Variants in DENND4B observed in about 807,000 individuals in gnomAD.
DENND4B encodes the protein DENN domain containing 4B, also known as DENN domain-containing protein 4B.
Under a neutral mutation model 161.0 loss-of-function variants are expected in DENND4B, and 67 were observed. The ratio of observed to expected loss-of-function variants is 0.42; its 90% CI spans 0.34 to 0.51. The LOEUF is 0.51. Among genes scored for constraint, DENND4B ranks in the 20% least tolerant of loss-of-function variants. The pLI is 0.08. For synonymous variants in DENND4B, 753 were observed against 813.8 expected, an observed-to-expected ratio of 0.93 and a Z score of 1.27; for missense variants, 1,481 against 1,968.0, an observed-to-expected ratio of 0.75 and a Z score of 4.68.
At position 153,942,300 on chromosome 1, in the gene DENND4B, C is replaced by A. The variant is rs746193379; in HGVS notation, c.697G>T (p.Val233Leu). The change falls in exon 5 of 28, where the codon GTG becomes TTG. Residue 233 changes from valine to leucine, a missense_variant. Transcript: ENST00000361217. This position sits in a 1 kb window ranked among gnomAD's most constrained non-coding sequence, Gnocchi z 6.9. ...DNEAFPLPES[V>L]PVFCLPMGAT... is the part of the protein sequence containing the mutation. Reference sequence around the variant, plus strand: ...CCCATGGGCAGGCAGAAGACGGGCACTGACTCGGGCAGCGGGAACGCCTCA... The same window carrying A: ...CCCATGGGCAGGCAGAAGACGGGCAATGACTCGGGCAGCGGGAACGCCTCA... 4 of 1,613,642 alleles carry A rather than the reference C, an allele frequency of 2.5e-6. No individual in the cohort carries two copies. In the Admixed American group the frequency reaches 5.0e-5, roughly 20 times the overall value.
rs760909337 is a variant in DENND4B at position 153,930,360 on chromosome 1, C to T, written c.4428G>A (p.Ala1476=). The T allele has an allele frequency of 1.5e-5, 24 of 1,614,022 alleles. No homozygotes were observed. In the South Asian group the frequency reaches 1.6e-4, roughly 11 times the overall value. Residue 1476 remains alanine, a synonymous_variant, in exon 28 of 28, where the codon GCG becomes GCA. Coordinates refer to ENST00000361217, the MANE Select transcript of DENND4B (RefSeq NM_014856.3). This position sits in a 1 kb window ranked among gnomAD's most constrained non-coding sequence, Gnocchi z 4.7. ...CAATGGCCTTGGGAGTGGGCATCTG[C>T]GCCCGCCGGTGCCTCAGCTCCTCCT... The part of the protein sequence containing the change: ...MGKEELRHRR[A]QMPTPKAIDC...
chr1:153,941,103 C>T, intron 8 of DENND4B, 55 bp from the exon 9 acceptor site: 3 of 1,558,722 alleles, frequency 1.9e-6, no homozygotes, highest in East Asian at 2.4e-5. Flanking sequence ...GGGGACCCTT[C>T]CCCAGATGCC....
chr1:153,939,464 A>C (rs1679543979), intron 12 of DENND4B, 125 bp downstream of exon 12: 1 of 1,104,932 alleles, frequency 9.1e-7, no homozygotes, highest in African/African-American at 1.6e-5. Context: ...GCCCATAAAA[A>C]CATTTGCCTA....
In DENND4B at chr1:153,934,661, C is replaced by T. The variant is rs917945049; in HGVS notation, c.2773+99G>A. 5 of 1,500,792 alleles carry T rather than the reference C, an allele frequency of 3.3e-6. No individual in the cohort carries two copies. Among genetic ancestry groups the T allele is most frequent in the Admixed American group, 2.1e-5 (1 of 47,178 alleles). The allele number at this position is 1,500,792 out of a possible 1,614,324, so 93.0% of individuals were successfully genotyped here. A position where few individuals can be genotyped will look rare whatever the true frequency, so the allele number is the denominator to read the frequency against. ...AGTGTAATTTATCAATCCCCAGAAA[C>T]CCAATGCCAACCATTAGACCAGCCC... On this transcript the variant is annotated intron_variant, in intron 18 of 27. Coordinates refer to ENST00000361217, the MANE Select transcript of DENND4B (RefSeq NM_014856.3). This position sits in a 1 kb window ranked among gnomAD's most constrained non-coding sequence, Gnocchi z 5.3.
intron 17 of DENND4B, chr1:153,935,373 G>A (rs1218721820): frequency 5.7e-6 from 1 of 174,316 alleles, no homozygotes; most frequent in African/African-American, 2.4e-5. Context: ...TCGAGACGGA[G>A]TCTTGCTCTG....
Position 153,944,225 on chromosome 1 carries a change from C to A in DENND4B, c.150G>T (p.Val50=). 1 of 1,607,008 alleles carries A rather than the reference C, an allele frequency of 6.2e-7. No individual in the cohort carries two copies. The highest frequency in any genetic ancestry group is 8.5e-7 in the Non-Finnish European group (1 of 1,176,562). The change falls in exon 2 of 28, where the codon GTG becomes GTT. Residue 50 remains valine (V), a synonymous_variant. Transcript: ENST00000361217. The surrounding 1 kb of genome is among the most constrained non-coding windows in gnomAD (Gnocchi z 4.8). ...CGCCCAGTGCCCTAGCGATGACTGCCACATCTGTGATGGGCTCAGCTGGCC... is the reference window on the plus strand; with the variant it reads ...CGCCCAGTGCCCTAGCGATGACTGCAACATCTGTGATGGGCTCAGCTGGCC... The part of the protein sequence containing the change: ...PPRPAEPITD[V]AVIARALGEE...
chr1:153,932,663 C>T lies in DENND4B; in HGVS notation c.3738G>A (p.Gln1246=). 1.2e-6 allele frequency: 2 copies of T among 1,613,758 alleles called. No individual in the cohort carries two copies. The highest frequency in any genetic ancestry group is 1.7e-6 in the Non-Finnish European group (2 of 1,179,694). ...RRLCLALDEP[Q]LCNGHMGGAS... ...TTACCCCCATGTGCCCGTTGCAGAGCTGGGGCTCATCCAGAGCAAGGCAGA... is the reference window on the plus strand; with the variant it reads ...TTACCCCCATGTGCCCGTTGCAGAGTTGGGGCTCATCCAGAGCAAGGCAGA... The change falls in exon 23 of 28, where the codon CAG becomes CAA. Residue 1246 remains glutamine (Q), a synonymous_variant. Transcript: ENST00000361217. The surrounding 1 kb of genome is among the most constrained non-coding windows in gnomAD (Gnocchi z 5.8).
In DENND4B at chr1:153,931,072, A is replaced by G. The variant is rs757602960; in HGVS notation, c.3997-8T>C. On this transcript the variant is annotated splice_polypyrimidine_tract_variant and splice_region_variant and intron_variant, in intron 24 of 27. Transcript: ENST00000361217. ...TAGCCAAGGAGATGGGGCCTGGGGG[A>G]GCCAAGATAGTGGAGACAGTTAGGC... 6.2e-7 allele frequency: 1 copy of G among 1,602,610 alleles called. No individual in the cohort carries two copies. Among genetic ancestry groups the G allele is most frequent in the Admixed American group, 1.7e-5 (1 of 57,848 alleles).
chr1:153,937,882 A>G lies in DENND4B; in HGVS notation c.1966-19T>C. 6.2e-7 allele frequency: 1 copy of G among 1,613,928 alleles called. No individual in the cohort carries two copies. Among genetic ancestry groups the G allele is most frequent in the South Asian group, 1.1e-5 (1 of 91,084 alleles). On this transcript the variant is annotated intron_variant, in intron 13 of 27. Transcript: ENST00000361217. This position sits in a 1 kb window ranked among gnomAD's most constrained non-coding sequence, Gnocchi z 4.7. ...GGTGGACCTGGAGAAGGATTTTAAG[A>G]GAGCAAGTGTTGAGATGGTGGGCAT...
Position 153,932,439 on chromosome 1 carries a change from C to T in DENND4B, c.3761G>A (p.Gly1254Glu). The T allele has an allele frequency of 1.9e-6, 3 of 1,603,894 alleles. No individual in the cohort carries two copies. The South Asian group carries it at 3.3e-5, about 18-fold the overall frequency. ...CCCACTCTCAACCCGCCGGGAGGCT[C>T]CCTATCAGGCACAAAGGGGGAGGGC... ...EPQLCNGHMG[G>E]ASRRVESGAW... The change falls in exon 24 of 28, where the codon GGA becomes GAA. Residue 1254 changes from glycine (G) to glutamate (E), a missense_variant and splice_region_variant. Gly to Glu is a moderately conservative substitution (Grantham distance 98). Coordinates refer to ENST00000361217, the MANE Select transcript of DENND4B (RefSeq NM_014856.3). This position sits in a 1 kb window ranked among gnomAD's most constrained non-coding sequence, Gnocchi z 5.8.
At chr1:153,931,170 A>G in intron 24 of DENND4B, 106 bp from the exon 25 acceptor site, 1 of 850,988 alleles carries the variant, frequency 1.2e-6, no homozygotes, top group South Asian at 1.6e-5. Flanking sequence ...TACAGGACAC[A>G]GCCAAAGAGA....
chr1:153,939,586 T>A lies in DENND4B; in HGVS notation c.1819+3A>T. ...TCTCCAAGCAGAGACAGGCCCTCTA[T>A]ACCCTGCAGGAAGAAAAGGTTGTCA... is the stretch of plus-strand genomic sequence containing the variant. On this transcript the variant is annotated splice_donor_region_variant and intron_variant, in intron 12 of 27. Transcript: ENST00000361217. The A allele has an allele frequency of 6.2e-7, 1 of 1,604,798 alleles. No individual in the cohort carries two copies. Among genetic ancestry groups the A allele is most frequent in the Non-Finnish European group, 8.5e-7 (1 of 1,173,554 alleles).
rs763359554 is a variant in DENND4B at position 153,940,844 on chromosome 1, TA to T, written c.1326+59del. The T allele has an allele frequency of 5.3e-6, 8 of 1,522,782 alleles. No homozygotes were observed. Among genetic ancestry groups the T allele is most frequent in the African/African-American group, 2.8e-5 (2 of 71,592 alleles). 94.3% of individuals were successfully genotyped at this position (1,522,782 alleles called of 1,614,324 possible). A position where few individuals can be genotyped will look rare whatever the true frequency, so the allele number is the denominator to read the frequency against. ...GAAAAGGGAAGAGTCCAGGCAGGGA[TA>T]GGGGCACCAGAAAGAACCATGGTTC... On this transcript the variant is annotated intron_variant, in intron 9 of 27. Coordinates refer to ENST00000361217, the MANE Select transcript of DENND4B (RefSeq NM_014856.3). The surrounding 1 kb of genome is among the most constrained non-coding windows in gnomAD (Gnocchi z 5.6).
Position 153,936,950 on chromosome 1 carries a change from G to A in DENND4B, c.2233-202C>T, listed in dbSNP as rs747781216. Among the ~76,000 whole-genome samples the A allele has an allele frequency of 6.6e-6, 1 of 152,164 alleles. No homozygotes were observed. The highest frequency in any genetic ancestry group is 1.5e-5 in the Non-Finnish European group (1 of 68,038). The stretch of plus-strand genomic sequence containing the variant: ...TCAAGTAGCTGGGACGCACCACCAA[G>A]CCCGACTGATTGTTTTGTACTTTTT... On this transcript the variant is annotated intron_variant, in intron 15 of 27. Coordinates refer to ENST00000361217, the MANE Select transcript of DENND4B (RefSeq NM_014856.3). This position sits in a 1 kb window ranked among gnomAD's most constrained non-coding sequence, Gnocchi z 4.1.
rs1678809367 is a variant in DENND4B at position 153,929,969 on chromosome 1, A to G, written c.*328T>C. 8.1e-6 allele frequency: 2 copies of G among 247,818 alleles called. No individual in the cohort carries two copies. The highest frequency in any genetic ancestry group is 1.5e-5 in the Non-Finnish European group (2 of 129,508). The allele number at this position is 247,818 out of a possible 1,614,324, so 15.4% of individuals were successfully genotyped here. A position where few individuals can be genotyped will look rare whatever the true frequency, so the allele number is the denominator to read the frequency against. On this transcript the variant is annotated 3_prime_UTR_variant, in exon 28 of 28. Coordinates refer to ENST00000361217, the MANE Select transcript of DENND4B (RefSeq NM_014856.3). ...CTTTCCAGTTGTTTTTTAAAACAAA[A>G]ACTTCTAAAATGACCAGGGCAATGC...
Position 153,932,659 on chromosome 1 carries a change from A to G in DENND4B, c.3742T>C (p.Cys1248Arg). The G allele has an allele frequency of 1.2e-6, 2 of 1,613,396 alleles. No individual in the cohort carries two copies. Among genetic ancestry groups the G allele is most frequent in the Non-Finnish European group, 1.7e-6 (2 of 1,179,456 alleles). ...GCCCTTACCCCCATGTGCCCGTTGC[A>G]GAGCTGGGGCTCATCCAGAGCAAGG... ...LCLALDEPQL[C>R]NGHMGGASRR... The change falls in exon 23 of 28, where the codon TGC (cysteine) becomes CGC (arginine). Residue 1248 changes from cysteine (C) to arginine (R), a missense_variant. By Grantham distance (180) the Cys-to-Arg change is radical. Around this residue, in one of 3 missense-constraint regions of DENND4B, gnomAD observed 336 missense variants for 503.3 expected, o/e 0.67. Transcript: ENST00000361217. This position sits in a 1 kb window ranked among gnomAD's most constrained non-coding sequence, Gnocchi z 5.8.
rs1212895434 is a variant in DENND4B, at chr1:153,934,844, G to C, written c.2689C>G (p.Gln897Glu). 1.2e-6 allele frequency: 2 copies of C among 1,612,816 alleles called. No homozygotes were observed. Among genetic ancestry groups the C allele is most frequent in the Non-Finnish European group, 1.7e-6 (2 of 1,179,276 alleles). Reference protein sequence around the residue: ...FRQPLRERQQQQQQQQQQQQQ... With the variant: ...FRQPLRERQQEQQQQQQQQQQ... Reference sequence around the variant, plus strand: ...TGCTGCTGCTGTTGCTGCTGCTGCTGCTGTTGCCGTTCTCTCAAGGGCTGG... The same window carrying C: ...TGCTGCTGCTGTTGCTGCTGCTGCTCCTGTTGCCGTTCTCTCAAGGGCTGG... Residue 897 changes from glutamine (Q) to glutamate (E), a missense_variant, in exon 18 of 28, where the codon CAG becomes GAG. Gln to Glu is a conservative substitution (Grantham distance 29). Transcript: ENST00000361217. The surrounding 1 kb of genome is among the most constrained non-coding windows in gnomAD (Gnocchi z 5.3).
rs1330075804 is a variant in DENND4B at position 153,933,323 on chromosome 1, C to T, written c.3331-4G>A. 5 of 1,613,322 alleles carry T rather than the reference C, an allele frequency of 3.1e-6. No individual in the cohort carries two copies. The highest frequency in any genetic ancestry group is 1.3e-5 in the African/African-American group (1 of 74,894). On this transcript the variant is annotated splice_polypyrimidine_tract_variant and splice_region_variant and intron_variant, in intron 20 of 27. Transcript: ENST00000361217. The surrounding 1 kb of genome is among the most constrained non-coding windows in gnomAD (Gnocchi z 5.7). ...CACTGCCCAGAGAGGCTGAGCTCTA[C>T]CATGACATGAGAAACCATGGTCAGC...
Position 153,941,427 on chromosome 1 carries a change from A to G in DENND4B, c.1069T>C (p.Phe357Leu), listed in dbSNP as rs367610815. 3.2e-5 allele frequency: 52 copies of G among 1,612,392 alleles called. No individual in the cohort carries two copies. The highest frequency in any genetic ancestry group is 4.4e-5 in the Non-Finnish European group (52 of 1,179,528). Residue 357 changes from phenylalanine to leucine, a missense_variant, in exon 7 of 28, where the codon TTC becomes CTC. Around this residue, in one of 3 missense-constraint regions of DENND4B, gnomAD observed 806 missense variants for 1,134.4 expected, o/e 0.71. Transcript: ENST00000361217. Reference protein sequence around the residue: ...RLPLEAHISHFIHNVPFPSPQ... With the variant: ...RLPLEAHISHLIHNVPFPSPQ... ...GAAGGGAAGGGAACGTTGTGAATGA[A>G]GTGGGAGATGTGCCTGGGGGACAGA...
Sources: gnomAD v4.1 joint callset for allele counts (sites outside exome capture counted in the v4.1 genomes callset) on GRCh38, gnomAD v4.1.1 for gene constraint, gnomAD v4.1.1 regional missense constraint, Gnocchi (gnomAD v3.1) non-coding constraint, MANE v1.5 for transcripts, NCBI Gene and HGNC (gene_info 2026-07-23, HGNC 2026-07-21) for gene names.